The following PXDN variants were observed in gnomAD, a reference collection of about 807,000 sequenced individuals.
PXDN encodes the protein peroxidasin homolog.
In PXDN, 77 loss-of-function variants were observed where a neutral mutation model predicts 140.3. That is an observed-to-expected ratio of 0.55 (90% confidence interval 0.46 to 0.66). The LOEUF is 0.66. Ranked by LOEUF, PXDN falls within the 30% of genes least tolerant of loss-of-function variation. The pLI, the probability that PXDN is intolerant of heterozygous loss-of-function variation, is 0.00. For missense variants in PXDN, 1,838 were observed against 2,039.5 expected (o/e 0.90, Z 1.90); for synonymous variants, 911 against 857.4 (o/e 1.06, Z -1.09).
At chr2:1,668,014 A>G (rs1044652319) in intron 9 of PXDN, among the ~76,000 whole-genome samples, 1 of 152,264 alleles carries the variant, frequency 6.6e-6, no homozygotes, top group Non-Finnish European at 1.5e-5. Flanking sequence ...AGCAAAAAGA[A>G]CAAAGCCGGA....
At chr2:1,722,547 T>C (rs1685077896) in intron 1 of PXDN, among the ~76,000 whole-genome samples, 1 of 152,244 alleles carries the variant, frequency 6.6e-6, no homozygotes, top group South Asian at 2.1e-4. Context: ...TGAAAAAGAC[T>C]GCTAGACACA....
At chr2:1,678,992 T>TA (rs997355357) in intron 7 of PXDN, among the ~76,000 whole-genome samples, 39 of 146,444 alleles carry the variant, frequency 2.7e-4, no homozygotes, top group South Asian at 1.1e-3. Context: ...AGAAGAAACT[T>TA]AAAAAAAAAA....
chr2:1,713,290 GAAGA>G (rs945716867), intron 1 of PXDN, among the ~76,000 whole-genome samples: 2 of 152,194 alleles, frequency 1.3e-5, no homozygotes, highest in African/African-American at 4.8e-5. Flanking sequence ...AATTACCACA[GAAGA>G]AAGAAGGCTG....
chr2:1,675,187 G>A (rs941439978), intron 8 of PXDN, among the ~76,000 whole-genome samples: 2 of 152,076 alleles, frequency 1.3e-5, no homozygotes, highest in African/African-American at 2.4e-5. Flanking sequence ...GAAACACGGC[G>A]AGCCAGCAGG....
At chr2:1,722,756 G>C (rs1010557233) in intron 1 of PXDN, among the ~76,000 whole-genome samples, 4 of 152,184 alleles carry the variant, frequency 2.6e-5, no homozygotes, top group African/African-American at 9.7e-5. Flanking sequence ...AAATATGGGA[G>C]GGGGGTACGA....
intron 12 of PXDN, 131 bp downstream of exon 12, chr2:1,663,474 G>A (rs566539492): frequency 8.3e-4 from 1,051 of 1,266,968 alleles, no homozygotes; most frequent in Non-Finnish European, 1.0e-3. Flanking sequence ...CACAATGACG[G>A]TGCACAAAAT....
At chr2:1,692,636 T>C (rs1684210028) in intron 2 of PXDN, 4 of 472,718 alleles carry the variant, frequency 8.5e-6, no homozygotes, top group Non-Finnish European at 1.8e-5. Flanking sequence ...CCCTGCCTGC[T>C]CCCTCCAGGC....
At chr2:1,669,469 T>G (rs955055605) in intron 9 of PXDN, among the ~76,000 whole-genome samples, 9 of 152,170 alleles carry the variant, frequency 5.9e-5, no homozygotes, top group African/African-American at 1.9e-4. Context: ...AAAGTAAAAT[T>G]TAAAAATATA....
At chr2:1,696,456 A>T (rs1029585674) in intron 1 of PXDN, among the ~76,000 whole-genome samples, 3 of 152,212 alleles carry the variant, frequency 2.0e-5, no homozygotes, top group Non-Finnish European at 4.4e-5. Flanking sequence ...AAACCATAAA[A>T]AAAGAACCAA....
At chr2:1,706,259 C>T (rs577715094) in intron 1 of PXDN, among the ~76,000 whole-genome samples, 28 of 152,346 alleles carry the variant, frequency 1.8e-4, no homozygotes, top group Admixed American at 4.6e-4. Flanking sequence ...TTCCCTGTCC[C>T]ACTGGCAGCC....
At chr2:1,676,809 T>C in intron 8 of PXDN, 118 bp downstream of exon 8, 1 of 940,208 alleles carries the variant, frequency 1.1e-6, no homozygotes, top group Non-Finnish European at 1.7e-6. Context: ...TTTGTACTTT[T>C]CCCTACGTGG....
intron 1 of PXDN, among the ~76,000 whole-genome samples, chr2:1,693,807 G>A (rs893115521): frequency 1.3e-5 from 2 of 152,184 alleles, no homozygotes; most frequent in Non-Finnish European, 2.9e-5. Flanking sequence ...CGCCAGAATC[G>A]ACACAGAGAC....
chr2:1,705,857 C>T (rs1420508693), intron 1 of PXDN, among the ~76,000 whole-genome samples: 8 of 152,032 alleles, frequency 5.3e-5, no homozygotes, highest in South Asian at 2.1e-4. Context: ...CGGCTGCCCA[C>T]GACCTGGGAC....
intron 12 of PXDN, among the ~76,000 whole-genome samples, chr2:1,662,589 G>A (rs943288329): frequency 6.6e-5 from 10 of 152,312 alleles, no homozygotes; most frequent in South Asian, 6.2e-4. Flanking sequence ...CCCGACTCTC[G>A]GAGAAGGAAA....
rs1403828529 is a variant in PXDN at position 1,648,882 on chromosome 2, G to A, written c.2898C>T (p.Ser966=). 6.2e-7 allele frequency: 1 copy of A among 1,602,166 alleles called. No homozygotes were observed. Among genetic ancestry groups the A allele is most frequent in the Non-Finnish European group, 8.5e-7 (1 of 1,177,328 alleles). ...CCCCGGCCAGGAAGCAGGGGATGGG[G>A]CTCTCGTTCTCGTCCCGCATGCACT... ...PTECMRDENE[S]PIPCFLAGDH... Residue 966 remains serine (S), a synonymous_variant, in exon 17 of 23, where the codon AGC becomes AGT. Coordinates refer to ENST00000252804, the MANE Select transcript of PXDN (RefSeq NM_012293.3). The surrounding 1 kb of genome is among the most constrained non-coding windows in gnomAD (Gnocchi z 8.9).
rs1316839859 is a variant in PXDN at position 1,685,635 on chromosome 2, C to T, written c.417-1484G>A. The stretch of plus-strand genomic sequence containing the variant: ...ACCGAGGGAAGGAAAGGGGGTATTT[C>T]AAGCCCCACGGAGAGCGATGGGTGT... On this transcript the variant is annotated intron_variant, in intron 4 of 22. Transcript: ENST00000252804. The surrounding 1 kb of genome is among the most constrained non-coding windows in gnomAD (Gnocchi z 5.1). Among the ~76,000 whole-genome samples the T allele has an allele frequency of 3.3e-5, 5 of 152,124 alleles. No individual in the cohort carries two copies. The highest frequency in any genetic ancestry group is 7.4e-5 in the Non-Finnish European group (5 of 68,024).
intron 1 of PXDN, among the ~76,000 whole-genome samples, chr2:1,702,308 C>T (rs1391402878): frequency 2.0e-5 from 3 of 152,228 alleles, no homozygotes; most frequent in Admixed American, 1.3e-4. Context: ...ACCCCCCCAA[C>T]CCCGGCACAG....
chr2:1,666,690 C>T (rs184127384), intron 9 of PXDN, among the ~76,000 whole-genome samples: 2 of 152,176 alleles, frequency 1.3e-5, no homozygotes, highest in African/African-American at 2.4e-5. Flanking sequence ...ATGCAGGCCA[C>T]GTGAGAAAAG....
intron 14 of PXDN, among the ~76,000 whole-genome samples, chr2:1,659,583 G>A (rs2125421805): frequency 6.6e-6 from 1 of 152,232 alleles, no homozygotes; most frequent in African/African-American, 2.4e-5. Flanking sequence ...ATTTTTGGGG[G>A]ATGGAATTAC....
Sources: allele counts gnomAD v4.1 joint callset (sites outside exome capture counted in the v4.1 genomes callset), GRCh38; gene constraint gnomAD v4.1.1; non-coding constraint Gnocchi (gnomAD v3.1); transcripts MANE v1.5; gene names NCBI Gene and HGNC (gene_info 2026-07-23, HGNC 2026-07-21).